Variants in VPS45 observed in about 807,000 individuals in gnomAD.
VPS45 encodes vacuolar protein sorting 45 homolog.
A neutral mutation model predicts 75.9 loss-of-function variants in VPS45; 35 were observed. That is an observed-to-expected ratio of 0.46 (90% confidence interval 0.35 to 0.61). The LOEUF is 0.61. VPS45 is among the 20% of genes least tolerant of loss of function. VPS45 has a pLI of 0.00. For synonymous variants in VPS45, 220 were observed against 238.2 expected (o/e 0.92, Z 0.70); for missense variants, 559 against 685.9 (o/e 0.81, Z 2.07).
chr1:150,093,688 C>A (rs1553802519), intron 13 of VPS45, 40 bp downstream of exon 13: 2 of 1,589,636 alleles, frequency 1.3e-6, no homozygotes, highest in South Asian at 2.3e-5. Flanking sequence ...GCCAGAAATA[C>A]TGAACAAACA....
intron 6 of VPS45, 134 bp downstream of exon 6, chr1:150,077,365 G>A (rs1331162434): frequency 1.7e-6 from 2 of 1,147,678 alleles, no homozygotes; most frequent in Non-Finnish European, 2.4e-6. Flanking sequence ...AAAGAGGTAG[G>A]TATATGTAAT....
Position 150,068,714 on chromosome 1 carries a change from C to A in VPS45, c.178C>A (p.Arg60=). Residue 60 remains arginine, a synonymous_variant, in exon 2 of 15, where the codon CGA becomes AGA. Coordinates refer to ENST00000644510, the MANE Select transcript of VPS45 (RefSeq NM_007259.5). ...YLFERIDSQN[R]EIMKHLKAIC... is the part of the protein sequence containing the mutation. ...CTTTGAACGCATTGATTCTCAAAAT[C>A]GAGAGATCATGAAACACCTGAAGGC... 3 of 1,612,912 alleles carry A rather than the reference C, an allele frequency of 1.9e-6. No individual in the cohort carries two copies. The South Asian group carries it at 3.3e-5, about 18-fold the overall frequency.
At chr1:150,111,925 G>C (rs1657670919) in intron 14 of VPS45, among the ~76,000 whole-genome samples, 2 of 152,074 alleles carry the variant, frequency 1.3e-5, no homozygotes, top group Admixed American at 1.3e-4. Flanking sequence ...TTTGCAGTCT[G>C]ATGTAAACGT....
intron 14 of VPS45, among the ~76,000 whole-genome samples, chr1:150,110,922 T>C (rs763815444): frequency 1.7e-4 from 26 of 152,180 alleles, no homozygotes; most frequent in Non-Finnish European, 3.2e-4. Flanking sequence ...CCCTTGGACC[T>C]AATTCATAAG....
intron 14 of VPS45, 29 bp from the exon 15 acceptor site, chr1:150,144,680 C>A: frequency 6.3e-7 from 1 of 1,577,852 alleles, no homozygotes; most frequent in Admixed American, 1.9e-5. Context: ...TTTGTTTTTT[C>A]CTTCAAGTAA....
At position 150,145,120 on chromosome 1, in the gene VPS45, T is replaced by C. The variant is rs1245434517; in HGVS notation, c.*324T>C. 5.3e-6 allele frequency: 3 copies of C among 568,106 alleles called. No individual in the cohort carries two copies. The highest frequency in any genetic ancestry group is 3.0e-5 in the Admixed American group (1 of 32,838). 35.2% of individuals were successfully genotyped at this position (568,106 alleles called of 1,614,324 possible). ...CTAGAGGGGCTTAAAAAGTAATCAT[T>C]TGATGTACATACCACACTCCTTGGC... is the stretch of plus-strand genomic sequence containing the variant. On this transcript the variant is annotated 3_prime_UTR_variant, in exon 15 of 15. Coordinates refer to ENST00000644510, the MANE Select transcript of VPS45 (RefSeq NM_007259.5).
At chr1:150,120,117 T>A (rs1038918937) in intron 14 of VPS45, among the ~76,000 whole-genome samples, 2 of 112,490 alleles carry the variant, frequency 1.8e-5, no homozygotes, top group African/African-American at 4.6e-5. Flanking sequence ...TAAAAAAAAA[T>A]AATAAATCTG....
At chr1:150,118,390 T>TCCTGA (rs1658055477) in intron 14 of VPS45, among the ~76,000 whole-genome samples, 1 of 152,030 alleles carries the variant, frequency 6.6e-6, no homozygotes, top group African/African-American at 2.4e-5. Flanking sequence ...AAATTAGTGT[T>TCCTGA]CAAGTTCCTG....
intron 7 of VPS45, among the ~76,000 whole-genome samples, chr1:150,079,403 A>G (rs895411845): frequency 6.6e-5 from 10 of 151,900 alleles, no homozygotes; most frequent in Non-Finnish European, 1.5e-5. Flanking sequence ...ATTAATAGTG[A>G]TTTTGTATGT....
intron 14 of VPS45, among the ~76,000 whole-genome samples, chr1:150,128,460 T>C (rs1658636018): frequency 6.6e-6 from 1 of 152,140 alleles, no homozygotes; most frequent in African/African-American, 2.4e-5. Context: ...TAAAAAATAG[T>C]TGGCATCTTG....
chr1:150,120,640 C>T (rs1300430658), intron 14 of VPS45, among the ~76,000 whole-genome samples: 1 of 151,934 alleles, frequency 6.6e-6, no homozygotes, highest in African/African-American at 2.4e-5. Flanking sequence ...AGTTCTTTTG[C>T]GATAATATTT....
chr1:150,130,875 C>A (rs1658797969), intron 14 of VPS45, among the ~76,000 whole-genome samples: 1 of 152,104 alleles, frequency 6.6e-6, no homozygotes, highest in African/African-American at 2.4e-5. Context: ...CATATATTAT[C>A]TCATTTAATC....
chr1:150,137,639 G>T (rs1265179521), intron 14 of VPS45, among the ~76,000 whole-genome samples: 1 of 152,144 alleles, frequency 6.6e-6, no homozygotes, highest in Non-Finnish European at 1.5e-5. Flanking sequence ...GCTATGCTGG[G>T]CACAGTGGCT....
chr1:150,097,583 G>A (rs1656741372), intron 13 of VPS45, among the ~76,000 whole-genome samples: 1 of 151,646 alleles, frequency 6.6e-6, no homozygotes, highest in South Asian at 2.1e-4. Flanking sequence ...GCCAGGCGTG[G>A]TGGCATGCAC....
chr1:150,132,558 T>TTA (rs1421765338), intron 14 of VPS45, among the ~76,000 whole-genome samples: 7 of 152,336 alleles, frequency 4.6e-5, no homozygotes, highest in African/African-American at 1.7e-4. Flanking sequence ...CATACAGTAT[T>TTA]ACCTTCCCCA....
At chr1:150,117,989 A>G (rs587598821) in intron 14 of VPS45, among the ~76,000 whole-genome samples, 2 of 152,036 alleles carry the variant, frequency 1.3e-5, no homozygotes, top group African/African-American at 2.4e-5. Flanking sequence ...TAATAGTGCT[A>G]TGGGCTGGGC....
rs375079523 is a variant in VPS45 at position 150,077,656 on chromosome 1, C to T, written c.577-13C>T. ...AGATGGTTGCACAAACCATCTTTCT[C>T]TCTCACCCACAGCAAGTGATAACTA... On this transcript the variant is annotated splice_polypyrimidine_tract_variant and intron_variant, in intron 6 of 14. Coordinates refer to ENST00000644510, the MANE Select transcript of VPS45 (RefSeq NM_007259.5). The T allele has an allele frequency of 7.6e-6, 12 of 1,588,178 alleles. No homozygotes were observed. In the South Asian group the frequency reaches 7.7e-5, roughly 10 times the overall value.
rs587620494 is a variant in VPS45 at position 150,101,979 on chromosome 1, G to A, written c.1493+8331G>A. ...CAGCTGGACACGGTGGCTCACGCCT[G>A]TAATCCCAGCACTTTGGGAGGCTGA... On this transcript the variant is annotated intron_variant, in intron 13 of 14. Coordinates refer to ENST00000644510, the MANE Select transcript of VPS45 (RefSeq NM_007259.5). 7.2e-5 allele frequency among the ~76,000 whole-genome samples: 11 copies of A among 152,200 alleles called. No homozygotes were observed. The South Asian group carries it at 2.1e-3, about 29-fold the overall frequency.
intron 14 of VPS45, among the ~76,000 whole-genome samples, chr1:150,140,388 TG>T (rs1377881098): frequency 1.3e-4 from 14 of 108,582 alleles, no homozygotes; most frequent in African/African-American, 4.9e-4. Context: ...TCACTTCTGG[TG>T]TGTGTGTGTG....
Sources: allele counts gnomAD v4.1 joint callset (sites outside exome capture counted in the v4.1 genomes callset), GRCh38; gene constraint gnomAD v4.1.1; transcripts MANE v1.5; gene names NCBI Gene and HGNC (gene_info 2026-07-23, HGNC 2026-07-21).